NLGN1: variants seen among roughly 807,000 people sequenced by gnomAD.
The protein encoded by NLGN1 is neuroligin 1, also known as neuroligin-1.
In NLGN1, 12 loss-of-function variants were observed where a neutral mutation model predicts 65.5. That is an observed-to-expected ratio of 0.18 (90% CI 0.12 to 0.30). The LOEUF is 0.30. Ranked by LOEUF, NLGN1 falls within the 10% of genes least tolerant of loss-of-function variation. The probability of loss-of-function intolerance (pLI) is 1.00; values close to 1 mark genes in which losing one functional copy is unlikely to be tolerated. For synonymous variants in NLGN1, 350 were observed against 359.5 expected (o/e 0.97, Z 0.30); for missense variants, 750 against 1,007.1 (o/e 0.74, Z 3.46).
chr3:174,084,182 TAAC>T (rs1742817061), intron 4 of NLGN1, among the ~76,000 whole-genome samples: 1 of 152,176 alleles, frequency 6.6e-6, no homozygotes, highest in Admixed American at 6.5e-5. Flanking sequence ...ACTTATTCCT[TAAC>T]AATTTCAGAT....
intron 4 of NLGN1, among the ~76,000 whole-genome samples, chr3:173,977,109 A>ACACG (rs1717654881): frequency 6.7e-6 from 1 of 149,114 alleles, no homozygotes; most frequent in Non-Finnish European, 1.5e-5. Flanking sequence ...ACACACACGC[A>ACACG]CACACACACA....
intron 2 of NLGN1, among the ~76,000 whole-genome samples, chr3:173,598,750 A>G (rs954625431): frequency 6.6e-6 from 1 of 152,184 alleles, no homozygotes; most frequent in African/African-American, 2.4e-5. Flanking sequence ...TCCAAAGGAA[A>G]AAATAAGACT....
intron 4 of NLGN1, among the ~76,000 whole-genome samples, chr3:173,874,401 A>G (rs371842076): frequency 6.6e-6 from 1 of 152,222 alleles, no homozygotes. Flanking sequence ...CCTTATGTAA[A>G]TACAGTTTTC....
intron 2 of NLGN1, among the ~76,000 whole-genome samples, chr3:173,543,533 T>C: frequency 6.6e-6 from 1 of 152,128 alleles, no homozygotes; most frequent in South Asian, 2.1e-4. Context: ...CAGTGTCCAC[T>C]GAGTGAAAAG....
chr3:173,851,368 A>G (rs1351243659), intron 4 of NLGN1, among the ~76,000 whole-genome samples: 1 of 152,218 alleles, frequency 6.6e-6, no homozygotes, highest in South Asian at 2.1e-4. Flanking sequence ...GTGTATTTCA[A>G]TAGGCATACA....
intron 4 of NLGN1, among the ~76,000 whole-genome samples, chr3:174,135,782 C>T (rs940139080): frequency 2.0e-5 from 3 of 151,930 alleles, no homozygotes; most frequent in African/African-American, 4.8e-5. Flanking sequence ...CAAAATTTAC[C>T]GATCAAGAAC....
intron 4 of NLGN1, among the ~76,000 whole-genome samples, chr3:174,114,319 A>T (rs1343836548): frequency 6.6e-6 from 1 of 152,162 alleles, no homozygotes; most frequent in Admixed American, 6.5e-5. Flanking sequence ...GGAAGATTTT[A>T]TGTAATTCAT....
At chr3:174,077,332 A>C (rs1179168588) in intron 4 of NLGN1, among the ~76,000 whole-genome samples, 1 of 152,192 alleles carries the variant, frequency 6.6e-6, no homozygotes, top group African/African-American at 2.4e-5. Context: ...ATTTTACAGG[A>C]GTTTAATGCA....
At chr3:173,761,385 C>T (rs886274294) in intron 3 of NLGN1, among the ~76,000 whole-genome samples, 1 of 151,978 alleles carries the variant, frequency 6.6e-6, no homozygotes, top group Non-Finnish European at 1.5e-5. Flanking sequence ...AGATAAGCTG[C>T]GTTTAGTGGC....
intron 4 of NLGN1, among the ~76,000 whole-genome samples, chr3:173,989,946 C>G (rs1720749580): frequency 6.6e-6 from 1 of 152,118 alleles, no homozygotes; most frequent in Admixed American, 6.6e-5. Flanking sequence ...GTGGGCATAC[C>G]TGGATCACCA....
At chr3:173,673,288 G>A (rs1762696660) in intron 3 of NLGN1, among the ~76,000 whole-genome samples, 1 of 152,176 alleles carries the variant, frequency 6.6e-6, no homozygotes, top group Non-Finnish European at 1.5e-5. Context: ...ACTAGTGCTA[G>A]TTAATCCCTG....
chr3:173,461,429 T>G (rs1341019396), intron 2 of NLGN1, among the ~76,000 whole-genome samples: 2 of 152,146 alleles, frequency 1.3e-5, no homozygotes, highest in Non-Finnish European at 2.9e-5. Flanking sequence ...CATTTAATTC[T>G]CAAATGGGGG....
At chr3:173,971,854 G>A (rs532091201) in intron 4 of NLGN1, among the ~76,000 whole-genome samples, 1 of 152,154 alleles carries the variant, frequency 6.6e-6, no homozygotes, top group Non-Finnish European at 1.5e-5. Flanking sequence ...CTACAACTGA[G>A]AACTGTTATA....
chr3:173,659,286 G>A (rs1760561091), intron 3 of NLGN1, among the ~76,000 whole-genome samples: 1 of 151,968 alleles, frequency 6.6e-6, no homozygotes, highest in African/African-American at 2.4e-5. Context: ...TGATGTATAA[G>A]CTATTAAAAA....
chr3:174,244,081 CTT>C (rs1416074765), intron 4 of NLGN1, among the ~76,000 whole-genome samples: 2 of 152,172 alleles, frequency 1.3e-5, no homozygotes, highest in African/African-American at 4.8e-5. Flanking sequence ...ACAGTAGACT[CTT>C]TTCTTTCCTA....
chr3:173,778,611 C>T (rs186552516), intron 3 of NLGN1, among the ~76,000 whole-genome samples: 23 of 151,962 alleles, frequency 1.5e-4, no homozygotes, highest in African/African-American at 4.1e-4. Context: ...AAAATTGTTA[C>T]ACAAAGATGA....
chr3:173,476,654 A>G (rs1191282150), intron 2 of NLGN1, among the ~76,000 whole-genome samples: 3 of 152,166 alleles, frequency 2.0e-5, no homozygotes, highest in Non-Finnish European at 2.9e-5. Flanking sequence ...TACACTAAGG[A>G]ATCTGCTTTA....
At chr3:173,537,507 T>TG (rs59838896) in intron 2 of NLGN1, among the ~76,000 whole-genome samples, 7 of 151,028 alleles carry the variant, frequency 4.6e-5, no homozygotes, top group East Asian at 1.9e-4. Flanking sequence ...TGTGTGTGTG[T>TG]TTGTGTGTGT....
intron 1 of NLGN1, among the ~76,000 whole-genome samples, chr3:173,429,255 G>T (rs1296637891): frequency 2.6e-5 from 4 of 151,628 alleles, no homozygotes; most frequent in Admixed American, 6.6e-5. Flanking sequence ...TGATTCTTTT[G>T]TTTAATCAGT....
Sources: allele counts gnomAD v4.1 joint callset (sites outside exome capture counted in the v4.1 genomes callset), GRCh38; gene constraint gnomAD v4.1.1; transcripts MANE v1.5; gene names NCBI Gene and HGNC (gene_info 2026-07-23, HGNC 2026-07-21).